Variants in MRPS27 observed in about 807,000 individuals in gnomAD.
The protein encoded by MRPS27 is small ribosomal subunit protein mS27.
MRPS27 carries 43 observed loss-of-function variants against 48.9 expected under a neutral mutation model. That is an observed-to-expected ratio of 0.88 (90% CI 0.69 to 1.13). The LOEUF (loss-of-function observed/expected upper bound fraction) is 1.13. MRPS27 is among the 50% of genes most tolerant of loss of function. The pLI is 0.00. For synonymous variants in MRPS27, 188 were observed against 171.9 expected (o/e 1.09, Z -0.73); for missense variants, 467 against 476.3 (o/e 0.98, Z 0.18).
intron 5 of MRPS27, among the ~76,000 whole-genome samples, chr5:72,236,691 A>T (rs1466269606): frequency 6.6e-6 from 1 of 151,780 alleles, no homozygotes. Context: ...CCCTTAACAT[A>T]CCTTATACCC....
At chr5:72,276,340 GC>G (rs1749373401) in intron 4 of MRPS27, among the ~76,000 whole-genome samples, 1 of 152,186 alleles carries the variant, frequency 6.6e-6, no homozygotes, top group Non-Finnish European at 1.5e-5. Flanking sequence ...AATAAATGGT[GC>G]TGGGAGAACT....
At chr5:72,285,838 A>G (rs1333402688) in intron 4 of MRPS27, among the ~76,000 whole-genome samples, 5 of 152,122 alleles carry the variant, frequency 3.3e-5, no homozygotes, top group African/African-American at 1.2e-4. Context: ...ATATTTTTTT[A>G]TTGTTGGGAT....
At chr5:72,273,487 C>T (rs1456260937) in intron 4 of MRPS27, among the ~76,000 whole-genome samples, 1 of 152,114 alleles carries the variant, frequency 6.6e-6, no homozygotes, top group Non-Finnish European at 1.5e-5. Context: ...CTTACACAAA[C>T]CTAAATGGTG....
At chr5:72,232,782 G>A (rs1748098260) in intron 6 of MRPS27, among the ~76,000 whole-genome samples, 2 of 152,106 alleles carry the variant, frequency 1.3e-5, no homozygotes, top group South Asian at 4.1e-4. Flanking sequence ...ACTAAATCAG[G>A]TGCTACTGCA....
At chr5:72,272,169 T>A (rs1749265790) in intron 4 of MRPS27, among the ~76,000 whole-genome samples, 1 of 152,148 alleles carries the variant, frequency 6.6e-6, no homozygotes, top group South Asian at 2.1e-4. Context: ...ATACTTTAGG[T>A]CTGCGGTCTG....
Position 72,226,180 on chromosome 5 carries a change from T to C in MRPS27, c.714A>G (p.Gln238=), listed in dbSNP as rs1747890630. The change falls in exon 9 of 11, where the codon CAA becomes CAG. Residue 238 remains glutamine, a synonymous_variant. Coordinates refer to ENST00000261413, the MANE Select transcript of MRPS27 (RefSeq NM_015084.3). Reference sequence around the variant, plus strand: ...TGTTGTGGTACACAGCCCGTAGCCCTTGCTGCAACTCCACCTTCCCTGTGG... The same window carrying C: ...TGTTGTGGTACACAGCCCGTAGCCCCTGCTGCAACTCCACCTTCCCTGTGG... ...YALLGKVELQ[Q]GLRAVYHNMP... The C allele has an allele frequency of 3.1e-6, 5 of 1,613,752 alleles. No individual in the cohort carries two copies. The South Asian group carries it at 5.5e-5, about 18-fold the overall frequency.
intron 8 of MRPS27, among the ~76,000 whole-genome samples, chr5:72,226,527 T>A (rs1010828110): frequency 1.3e-5 from 2 of 152,152 alleles, no homozygotes; most frequent in East Asian, 1.9e-4. Flanking sequence ...GTAAGGATAC[T>A]CTTAAAAAAC....
At chr5:72,247,212 C>G (rs749342376) in intron 4 of MRPS27, among the ~76,000 whole-genome samples, 2 of 152,216 alleles carry the variant, frequency 1.3e-5, no homozygotes, top group Non-Finnish European at 2.9e-5. Context: ...TTTCATTATA[C>G]TGTTTATAAA....
At chr5:72,293,527 A>G (rs908821371) in intron 4 of MRPS27, among the ~76,000 whole-genome samples, 3 of 152,186 alleles carry the variant, frequency 2.0e-5, no homozygotes, top group African/African-American at 7.2e-5. Context: ...ACCCCAGGCC[A>G]CACAAAACTG....
chr5:72,237,803 CACT>C lies in MRPS27; in HGVS notation c.396+208_396+210del, dbSNP rs1185964620. On this transcript the variant is annotated intron_variant, in intron 5 of 10. Coordinates refer to ENST00000261413, the MANE Select transcript of MRPS27 (RefSeq NM_015084.3). ...TGCTTATACCTGTCCTTTTCTGAGT[CACT>C]ACATTTGGAAAAGTAGCAGCTACAG... 2.0e-5 allele frequency among the ~76,000 whole-genome samples: 3 copies of C among 151,994 alleles called. No individual in the cohort carries two copies. The East Asian group carries it at 5.8e-4, about 29-fold the overall frequency.
intron 1 of MRPS27, 163 bp downstream of exon 1, chr5:72,319,963 CATACTGTTATTTTAGGGAAGGAA>C (rs1424957537): frequency 1.6e-6 from 1 of 639,202 alleles, no homozygotes; most frequent in East Asian, 2.7e-5. Flanking sequence ...TGGACAGGAA[CATACTGTTATTTTAGGGAAGGAA>C]ATGGATCAGA....
intron 4 of MRPS27, among the ~76,000 whole-genome samples, chr5:72,270,588 T>C (rs1324601432): frequency 6.6e-6 from 1 of 152,112 alleles, no homozygotes; most frequent in African/African-American, 2.4e-5. Context: ...GTGAATGCTA[T>C]CAAGCACCGA....
intron 5 of MRPS27, among the ~76,000 whole-genome samples, chr5:72,237,680 C>A (rs1362422057): frequency 6.6e-6 from 1 of 151,986 alleles, no homozygotes; most frequent in African/African-American, 2.4e-5. Flanking sequence ...GCAACATGGT[C>A]ATGTTTTTCC....
chr5:72,242,965 G>C (rs945691776), intron 4 of MRPS27, among the ~76,000 whole-genome samples: 1 of 152,150 alleles, frequency 6.6e-6, no homozygotes, highest in African/African-American at 2.4e-5. Context: ...CCACATGAAT[G>C]AGCAAGCTTT....
rs1317572452 is a variant in MRPS27 at position 72,238,193 on chromosome 5, C to T, written c.282-65G>A. 7 of 1,051,158 alleles carry T rather than the reference C, an allele frequency of 6.7e-6. No homozygotes were observed. In the East Asian group the frequency reaches 9.6e-5, roughly 14 times the overall value. The allele number at this position is 1,051,158 out of a possible 1,614,324, so 65.1% of individuals were successfully genotyped here. On this transcript the variant is annotated intron_variant, in intron 4 of 10. Transcript: ENST00000261413. ...TTATATGTTAAAACACATCTTCCAT[C>T]GATAGGTCCTTCTCTTAGATACTTA...
chr5:72,237,862 A>C, intron 5 of MRPS27, 152 bp downstream of exon 5: 1 of 549,442 alleles, frequency 1.8e-6, no homozygotes. Context: ...TAATGAACTT[A>C]TACCCAGCTC....
At chr5:72,282,241 A>G (rs1308780806) in intron 4 of MRPS27, among the ~76,000 whole-genome samples, 2 of 152,202 alleles carry the variant, frequency 1.3e-5, no homozygotes. Context: ...CTTTGGCCTC[A>G]AAAACCATGA....
chr5:72,238,219 C>G (rs114551029), intron 4 of MRPS27, 91 bp from the exon 5 acceptor site: 10 of 808,848 alleles, frequency 1.2e-5, no homozygotes, highest in Non-Finnish European at 1.9e-5. Context: ...TAGATACTTA[C>G]AGAGTGCAAT....
chr5:72,248,075 T>C (rs975531815), intron 4 of MRPS27, among the ~76,000 whole-genome samples: 1 of 152,252 alleles, frequency 6.6e-6, no homozygotes, highest in African/African-American at 2.4e-5. Context: ...GACCTTTCTT[T>C]CTTCTGCTGC....
Sources: allele counts gnomAD v4.1 joint callset (sites outside exome capture counted in the v4.1 genomes callset), GRCh38; gene constraint gnomAD v4.1.1; transcripts MANE v1.5; gene names NCBI Gene and HGNC (gene_info 2026-07-23, HGNC 2026-07-21).